The following ZNF331 variants were observed in gnomAD, a reference collection of about 807,000 sequenced individuals.
ZNF331 encodes the protein C2H2-like zinc finger protein rearranged in thyroid adenomas.
Under a neutral mutation model 7.0 loss-of-function variants are expected in ZNF331, and 2 were observed. That is an observed-to-expected ratio of 0.29 (90% CI 0.12 to 0.90). ZNF331 has a LOEUF of 0.90. Ranked by LOEUF, ZNF331 falls within the 40% of genes least tolerant of loss-of-function variation. The probability of loss-of-function intolerance (pLI) is 0.58; values close to 1 mark genes in which losing one functional copy is unlikely to be tolerated. For missense variants in ZNF331, 432 were observed against 587.7 expected (o/e 0.74, Z 2.74); for synonymous variants, 196 against 205.4 (o/e 0.95, Z 0.39).
the ZNF331 span, among the ~76,000 whole-genome samples, chr19:53,506,267 G>A: frequency 2.4e-5 from 3 of 122,674 alleles, 1 homozygote; most frequent in Admixed American, 1.6e-4. Flanking sequence ...CCCGGGAGGC[G>A]GAGCTTGCAG....
chr19:53,575,622 C>T (rs147259260), intron 5 of ZNF331, among the ~76,000 whole-genome samples: 2 of 150,398 alleles, frequency 1.3e-5, no homozygotes, highest in Admixed American at 1.3e-4. Context: ...TATAGGCTCA[C>T]ACCACCATGC....
chr19:53,506,411 C>CTCT, the ZNF331 span, among the ~76,000 whole-genome samples: 15 of 74,390 alleles, frequency 2.0e-4, no homozygotes, highest in Non-Finnish European at 3.3e-4. Flanking sequence ...CTCTCTCTCT[C>CTCT]CTCTCTCTCT....
upstream of ZNF331, among the ~76,000 whole-genome samples, chr19:53,519,544 A>T (rs2086990036): frequency 6.6e-6 from 1 of 152,212 alleles, no homozygotes; most frequent in Admixed American, 6.5e-5. Flanking sequence ...CATCCTGATG[A>T]GATCCCACCG....
chr19:53,547,726 A>G (rs1289283076), intron 2 of ZNF331, among the ~76,000 whole-genome samples: 1 of 152,142 alleles, frequency 6.6e-6, no homozygotes, highest in African/African-American at 2.4e-5. Context: ...TCTTACATGT[A>G]TGAGGTGATA....
In ZNF331 at chr19:53,571,560, T is replaced by C; in HGVS notation, c.10-44T>C. On this transcript the variant is annotated intron_variant, in intron 4 of 5. Transcript: ENST00000449416. This position sits in a 1 kb window ranked among gnomAD's most constrained non-coding sequence, Gnocchi z 4.7. ...CCTCCTGTCTCCTTCATCTGGAAGC[T>C]GTTTCCTTTCATTTCATCATGCACG... 6.2e-7 allele frequency: 1 copy of C among 1,605,294 alleles called. No individual in the cohort carries two copies. The highest frequency in any genetic ancestry group is 8.5e-7 in the Non-Finnish European group (1 of 1,175,610).
chr19:53,568,512 G>A lies in ZNF331; in HGVS notation c.-73-792G>A, dbSNP rs139756813. Among the ~76,000 whole-genome samples, 367 of 152,232 alleles carry A rather than the reference G, an allele frequency of 2.4e-3. 1 individual carries two copies. Among genetic ancestry groups the A allele is most frequent in the African/African-American group, 8.4e-3 (347 of 41,534 alleles). ...TAGTGTCCAGGTCAGCTGATACTGC[G>A]TGACCAAAAGCTCCTACCCCGAATC... On this transcript the variant is annotated intron_variant, in intron 3 of 5. Transcript: ENST00000449416.
In ZNF331 at chr19:53,576,828, G is replaced by A. The variant is rs1400748255; in HGVS notation, c.268G>A (p.Glu90Lys). The change falls in exon 6 of 6, where the codon GAA becomes AAA. Residue 90 changes from glutamate (E) to lysine (K), a missense_variant. Glu to Lys is a moderately conservative substitution (Grantham distance 56). Around this residue, in one of 3 missense-constraint regions of ZNF331, gnomAD observed 81 missense variants for 70.3 expected, o/e 1.15. Transcript: ENST00000449416. The stretch of plus-strand genomic sequence containing the variant: ...TAACTGGATATGTGAAGGTACGCTT[G>A]AAAGACCACAGCGCTCCAGAGGGAG... ...GRNWICEGTL[E>K]RPQRSRGRYV... The A allele has an allele frequency of 6.2e-7, 1 of 1,614,166 alleles. No homozygotes were observed. Among genetic ancestry groups the A allele is most frequent in the African/African-American group, 1.3e-5 (1 of 75,048 alleles).
chr19:53,576,975 G>T lies in ZNF331; in HGVS notation c.415G>T (p.Ala139Ser). 6.2e-7 allele frequency: 1 copy of T among 1,613,906 alleles called. No homozygotes were observed. Among genetic ancestry groups the T allele is most frequent in the South Asian group, 1.1e-5 (1 of 91,058 alleles). Residue 139 changes from alanine (A) to serine (S), a missense_variant, in exon 6 of 6, where the codon GCC (alanine) becomes TCC (serine). This residue lies in a region of ZNF331 where 312 missense variants were observed against 448.6 expected (regional missense o/e 0.70). Coordinates refer to ENST00000449416, the MANE Select transcript of ZNF331 (RefSeq NM_001079906.2). ...CTTTGAATGTAAGGACTGTGGGAAG[G>T]CCTTTAGTCGTGGCTATCAACTTAG... ...NSFECKDCGK[A>S]FSRGYQLSQH...
At chr19:53,551,191 G>A (rs891397520) in intron 2 of ZNF331, among the ~76,000 whole-genome samples, 1 of 152,028 alleles carries the variant, frequency 6.6e-6, no homozygotes, top group South Asian at 2.1e-4. Flanking sequence ...ATTAATGCAG[G>A]CCAACTGCAA....
chr19:53,559,360 CATATACACACACACCCCAT>C (rs2089670019), intron 3 of ZNF331, among the ~76,000 whole-genome samples: 1 of 149,212 alleles, frequency 6.7e-6, no homozygotes, highest in South Asian at 2.1e-4. Flanking sequence ...ACCATACACA[CATATACACACACACCCCAT>C]ATATACACAT....
chr19:53,510,014 C>T, the ZNF331 span, among the ~76,000 whole-genome samples: 4 of 152,274 alleles, frequency 2.6e-5, no homozygotes, highest in South Asian at 2.1e-4. Context: ...GGGGGAAATC[C>T]GCCCCCATGA....
At chr19:53,565,588 A>G (rs2090114337) in intron 3 of ZNF331, among the ~76,000 whole-genome samples, 1 of 151,876 alleles carries the variant, frequency 6.6e-6, no homozygotes, top group Non-Finnish European at 1.5e-5. Context: ...GTGCAGTGGC[A>G]CGATCTGGGC....
chr19:53,577,856 G>A lies in ZNF331; in HGVS notation c.1296G>A (p.Thr432=), dbSNP rs2090790618. 5.0e-6 allele frequency: 8 copies of A among 1,613,210 alleles called. No individual in the cohort carries two copies. Among genetic ancestry groups the A allele is most frequent in the Admixed American group, 1.7e-5 (1 of 59,954 alleles). The change falls in exon 6 of 6, where the codon ACG becomes ACA. Residue 432 remains threonine (T), a synonymous_variant. Transcript: ENST00000449416. ...HGHQLTQHQK[T]HSGAKSYECK... is the part of the protein sequence containing the mutation. ...ATCAGCTTACACAACATCAGAAAAC[G>A]CACAGTGGGGCGAAATCCTACGAAT...
intron 5 of ZNF331, among the ~76,000 whole-genome samples, chr19:53,572,857 A>G (rs2090530130): frequency 6.6e-6 from 1 of 152,094 alleles, no homozygotes; most frequent in South Asian, 2.1e-4. Flanking sequence ...TTTGGTCCCC[A>G]GATTCCTTGC....
intron 4 of ZNF331, 148 bp downstream of exon 4, chr19:53,569,533 C>T (rs887628404): frequency 3.1e-5 from 27 of 865,932 alleles, no homozygotes; most frequent in South Asian, 6.9e-5. Flanking sequence ...GATAATGCCA[C>T]GTAGCTCCGT....
upstream of ZNF331, among the ~76,000 whole-genome samples, chr19:53,514,687 G>GTT (rs1568448297): frequency 1.2e-5 from 1 of 85,902 alleles, no homozygotes; most frequent in Non-Finnish European, 2.4e-5. Context: ...GTTTCACACT[G>GTT]TCGCCCAGGC....
the ZNF331 span, among the ~76,000 whole-genome samples, chr19:53,511,385 G>A: frequency 6.6e-6 from 1 of 151,954 alleles, no homozygotes; most frequent in Non-Finnish European, 1.5e-5. Context: ...ATAACAATAT[G>A]TAAAACAAGT....
chr19:53,562,937 G>C (rs778077302), intron 3 of ZNF331, among the ~76,000 whole-genome samples: 3 of 151,610 alleles, frequency 2.0e-5, no homozygotes, highest in Non-Finnish European at 4.4e-5. Flanking sequence ...GCAGTGAGTC[G>C]AGATTGCGCC....
the ZNF331 span, among the ~76,000 whole-genome samples, chr19:53,506,951 C>T: frequency 6.6e-6 from 1 of 152,098 alleles, no homozygotes; most frequent in African/African-American, 2.4e-5. Context: ...CCTCACTATG[C>T]AGATGATGTT....
Sources: allele counts gnomAD v4.1 joint callset (sites outside exome capture counted in the v4.1 genomes callset), GRCh38; gene constraint gnomAD v4.1.1; regional missense constraint gnomAD v4.1.1; non-coding constraint Gnocchi (gnomAD v3.1); transcripts MANE v1.5; gene names NCBI Gene and HGNC (gene_info 2026-07-23, HGNC 2026-07-21).